The following CDK14 variants were observed in gnomAD, a reference collection of about 807,000 sequenced individuals.
The protein encoded by CDK14 is cyclin dependent kinase 14.
In CDK14, 34 loss-of-function variants were observed where a neutral mutation model predicts 60.7. The observed-to-expected ratio is 0.56, with a 90% CI of 0.43 to 0.75. The LOEUF is 0.75. Among genes scored for constraint, CDK14 ranks in the 30% least tolerant of loss-of-function variants. The pLI, the probability that CDK14 is intolerant of heterozygous loss-of-function variation, is 0.00. For synonymous variants in CDK14, 197 were observed against 203.7 expected (o/e 0.97, Z 0.28); for missense variants, 482 against 564.1 (o/e 0.85, Z 1.47).
At chr7:90,720,726 T>C (rs1802418650) in intron 2 of CDK14, among the ~76,000 whole-genome samples, 1 of 152,186 alleles carries the variant, frequency 6.6e-6, no homozygotes, top group Non-Finnish European at 1.5e-5. Context: ...TTCTTTTTTA[T>C]ACCTTTCTAG....
At chr7:90,878,610 T>A (rs1455552733) in intron 6 of CDK14, among the ~76,000 whole-genome samples, 1 of 152,228 alleles carries the variant, frequency 6.6e-6, no homozygotes, top group Non-Finnish European at 1.5e-5. Context: ...ACCCTTCAGT[T>A]TAACATGGAT....
intron 2 of CDK14, among the ~76,000 whole-genome samples, chr7:90,669,277 T>G (rs1801052096): frequency 6.6e-6 from 1 of 152,162 alleles, no homozygotes; most frequent in Non-Finnish European, 1.5e-5. Flanking sequence ...GTAATGGATA[T>G]CTGCTGTTTC....
chr7:90,962,588 C>T (rs1002386062), intron 9 of CDK14, among the ~76,000 whole-genome samples: 1 of 152,074 alleles, frequency 6.6e-6, no homozygotes, highest in Non-Finnish European at 1.5e-5. Flanking sequence ...GTTTTCAGTG[C>T]ATATGCTTGG....
At chr7:90,831,294 C>T (rs755829182) in intron 5 of CDK14, among the ~76,000 whole-genome samples, 25 of 152,198 alleles carry the variant, frequency 1.6e-4, no homozygotes, top group Non-Finnish European at 2.6e-4. Context: ...AGGGGAAGCA[C>T]GACACATCTT....
intron 9 of CDK14, among the ~76,000 whole-genome samples, chr7:90,982,203 T>G (rs1795246136): frequency 6.6e-6 from 1 of 152,102 alleles, no homozygotes; most frequent in African/African-American, 2.4e-5. Flanking sequence ...CATAAGCTCA[T>G]AAGGGGAGCA....
chr7:90,647,304 C>T (rs546411560), intron 2 of CDK14, among the ~76,000 whole-genome samples: 18 of 152,190 alleles, frequency 1.2e-4, no homozygotes, highest in Middle Eastern at 3.4e-3. Context: ...TTTATAACCT[C>T]TGTGACTGGT....
At chr7:90,783,631 T>C (rs566868509) in intron 4 of CDK14, among the ~76,000 whole-genome samples, 2 of 152,222 alleles carry the variant, frequency 1.3e-5, no homozygotes, top group East Asian at 3.9e-4. Context: ...TGAATAGACA[T>C]TTCTCAAAAG....
chr7:90,955,075 T>C (rs933313115), intron 8 of CDK14, among the ~76,000 whole-genome samples: 62 of 152,274 alleles, frequency 4.1e-4, no homozygotes, highest in African/African-American at 1.4e-3. Context: ...TAATTTATCA[T>C]ATATAATCTC....
chr7:90,626,279 T>A (rs1799874885), intron 2 of CDK14, among the ~76,000 whole-genome samples: 1 of 152,192 alleles, frequency 6.6e-6, no homozygotes, highest in African/African-American at 2.4e-5. Flanking sequence ...ACCTCAGTTT[T>A]TATCAGTTCC....
At chr7:90,723,408 A>G (rs1802526282) in intron 2 of CDK14, among the ~76,000 whole-genome samples, 1 of 152,058 alleles carries the variant, frequency 6.6e-6, no homozygotes, top group African/African-American at 2.4e-5. Flanking sequence ...CTTGACTCAC[A>G]AGGTTGTTTG....
chr7:90,700,523 C>G (rs1402065432), intron 2 of CDK14, among the ~76,000 whole-genome samples: 1 of 152,116 alleles, frequency 6.6e-6, no homozygotes, highest in Non-Finnish European at 1.5e-5. Context: ...CATAAAGGTT[C>G]AAATTACAGA....
chr7:90,643,348 C>T (rs1378769493), intron 2 of CDK14, among the ~76,000 whole-genome samples: 1 of 152,148 alleles, frequency 6.6e-6, no homozygotes, highest in African/African-American at 2.4e-5. Context: ...TCTTTGCATT[C>T]CATACACATA....
intron 14 of CDK14, among the ~76,000 whole-genome samples, chr7:91,150,737 T>A (rs889460826): frequency 3.9e-5 from 6 of 152,224 alleles, no homozygotes; most frequent in African/African-American, 1.4e-4. Context: ...ACTGTTAATA[T>A]TCTGAGTCCA....
In CDK14 at chr7:90,953,687, G is replaced by A. The variant is rs376149034; in HGVS notation, c.827-2010G>A. On this transcript the variant is annotated intron_variant, in intron 8 of 14. Coordinates refer to ENST00000380050, the MANE Select transcript of CDK14 (RefSeq NM_001287135.2). ...TTTTTTTTCATTCTCTCATCCTTCTGGCTTAGCTTTCTGACAACAGGGCCT... is the reference window on the plus strand; with the variant it reads ...TTTTTTTTCATTCTCTCATCCTTCTAGCTTAGCTTTCTGACAACAGGGCCT... 8.5e-5 allele frequency among the ~76,000 whole-genome samples: 13 copies of A among 152,056 alleles called. No individual in the cohort carries two copies. In the East Asian group the frequency reaches 2.1e-3, roughly 25 times the overall value.
In CDK14 at chr7:90,596,880, G is replaced by A. The variant is rs528535946; in HGVS notation, c.91+162G>A. Among the ~76,000 whole-genome samples, 4 of 152,282 alleles carry A rather than the reference G, an allele frequency of 2.6e-5. No individual in the cohort carries two copies. The South Asian group carries it at 8.3e-4, about 32-fold the overall frequency. ...GTGCTAGGGACCCGGGGGAGGGCAA[G>A]GACGTAAAGGAAAGAGACCCCTCTT... On this transcript the variant is annotated intron_variant, in intron 1 of 14. Transcript: ENST00000380050.
chr7:90,679,163 G>T (rs995729485), intron 2 of CDK14, among the ~76,000 whole-genome samples: 2 of 152,056 alleles, frequency 1.3e-5, no homozygotes, highest in South Asian at 4.2e-4. Context: ...TGTTGCCCAC[G>T]CTGGTATCAA....
chr7:90,676,555 C>T (rs1424498915), intron 2 of CDK14, among the ~76,000 whole-genome samples: 1 of 146,554 alleles, frequency 6.8e-6, no homozygotes, highest in Non-Finnish European at 1.5e-5. Flanking sequence ...TTTTTTGAGC[C>T]AGGGTCTCAC....
intron 2 of CDK14, among the ~76,000 whole-genome samples, chr7:90,653,974 A>C (rs1219327416): frequency 6.6e-6 from 1 of 152,198 alleles, no homozygotes; most frequent in Non-Finnish European, 1.5e-5. Context: ...CACTTCATCC[A>C]TGTCCCTACA....
At chr7:90,611,438 C>T (rs1478197394) in intron 2 of CDK14, among the ~76,000 whole-genome samples, 1 of 152,186 alleles carries the variant, frequency 6.6e-6, no homozygotes, top group African/African-American at 2.4e-5. Flanking sequence ...AAGCATGCAT[C>T]TTCTCTTGTT....
Sources: gnomAD v4.1 joint callset for allele counts (sites outside exome capture counted in the v4.1 genomes callset) on GRCh38, gnomAD v4.1.1 for gene constraint, MANE v1.5 for transcripts, NCBI Gene and HGNC (gene_info 2026-07-23, HGNC 2026-07-21) for gene names.